The following CHLSN variants were observed in gnomAD, a reference collection of about 807,000 sequenced individuals.
CHLSN encodes protein cholesin.
At chr7:1,009,817 G>A in the CHLSN span, 6 of 792,396 alleles carry the variant, frequency 7.6e-6, no homozygotes, top group Admixed American at 6.3e-5. Context: ...GGCAGCACAG[G>A]CCTGGCATGA....
the CHLSN span, among the ~76,000 whole-genome samples, chr7:1,053,833 AC>A: frequency 3.0e-4 from 45 of 152,304 alleles, no homozygotes; most frequent in African/African-American, 1.1e-3. Context: ...TCTCAAAAAA[AC>A]AAAAACAAAA....
At chr7:1,016,623 G>GCGCACACAGCACCA in the CHLSN span, among the ~76,000 whole-genome samples, 2 of 94,736 alleles carry the variant, frequency 2.1e-5, 1 homozygote, top group Non-Finnish European at 4.2e-5. Context: ...GCACGCCAGA[G>GCGCACACAGCACCA]CACAGTAGCG....
the CHLSN span, among the ~76,000 whole-genome samples, chr7:1,000,750 G>A: frequency 2.0e-5 from 3 of 152,274 alleles, no homozygotes; most frequent in Admixed American, 1.3e-4. Flanking sequence ...CCCTGCTGCC[G>A]CCTGACCAGG....
the CHLSN span, among the ~76,000 whole-genome samples, chr7:1,051,145 G>C: frequency 2.6e-5 from 4 of 152,238 alleles, no homozygotes; most frequent in Non-Finnish European, 5.9e-5. Context: ...TACAAGCAGC[G>C]TGTGGGCAGA....
chr7:1,088,442 CT>C, the CHLSN span: 1 of 151,864 alleles, frequency 6.6e-6, no homozygotes, highest in Non-Finnish European at 1.5e-5. The surrounding 1 kb of genome is among the most constrained non-coding windows in gnomAD (Gnocchi z 4.5). Context: ...ACCTCACCCC[CT>C]GGTGAGAGCA....
At chr7:986,576 A>G in the CHLSN span, 2 of 1,601,398 alleles carry the variant, frequency 1.2e-6, no homozygotes, top group Admixed American at 3.4e-5. Flanking sequence ...CCCAGCGTGC[A>G]GCCCTGGGGC....
At chr7:1,061,414 A>T in the CHLSN span, among the ~76,000 whole-genome samples, 1 of 151,642 alleles carries the variant, frequency 6.6e-6, no homozygotes, top group Non-Finnish European at 1.5e-5. Context: ...CCCCCTACCC[A>T]GCGAGTCCCC....
chr7:1,041,862 T>C, the CHLSN span, among the ~76,000 whole-genome samples: 2 of 149,160 alleles, frequency 1.3e-5, no homozygotes, highest in Admixed American at 1.3e-4. Context: ...CTCCAGCTCC[T>C]GACCAGCAGC....
the CHLSN span, chr7:1,127,139 G>C: frequency 1.4e-5 from 17 of 1,245,664 alleles, no homozygotes; most frequent in Non-Finnish European, 1.8e-5. Flanking sequence ...CCACGCCTCC[G>C]CACCTGTTCC....
the CHLSN span, among the ~76,000 whole-genome samples, chr7:1,133,975 T>A: frequency 6.6e-6 from 1 of 152,186 alleles, no homozygotes; most frequent in Middle Eastern, 3.4e-3. Context: ...TAGCTAACTC[T>A]TGTATTTTTT....
the CHLSN span, chr7:1,093,949 C>T: frequency 4.6e-5 from 15 of 324,536 alleles, 1 homozygote; most frequent in South Asian, 2.8e-4. Context: ...ACAAGGCCAG[C>T]CTCTGAGTCC....
the CHLSN span, among the ~76,000 whole-genome samples, chr7:982,204 A>C: frequency 3.9e-5 from 6 of 152,170 alleles, no homozygotes; most frequent in Admixed American, 3.9e-4. Context: ...AGAGGTAGTG[A>C]GCTCCCCACC....
At chr7:1,109,182 GCCTCTT>G in the CHLSN span, 14 of 152,132 alleles carry the variant, frequency 9.2e-5, no homozygotes, top group African/African-American at 3.4e-4. Context: ...ACCACGCCCA[GCCTCTT>G]CCAGTATTTT....
At chr7:985,164 A>G in the CHLSN span, 3 of 1,586,116 alleles carry the variant, frequency 1.9e-6, no homozygotes, top group Non-Finnish European at 2.6e-6. Context: ...TCTCCCTCGC[A>G]GGCCGGCCCT....
the CHLSN span, among the ~76,000 whole-genome samples, chr7:1,017,746 C>T: frequency 3.9e-5 from 6 of 152,130 alleles, no homozygotes; most frequent in African/African-American, 7.2e-5. Context: ...GGGGCAGCCG[C>T]GGACGGCGGG....
At chr7:1,089,768 C>T in the CHLSN span, among the ~76,000 whole-genome samples, 1 of 133,606 alleles carries the variant, frequency 7.5e-6, no homozygotes, top group African/African-American at 2.9e-5. Flanking sequence ...AATCTCTAGT[C>T]TGGTTTTGCA....
At chr7:1,123,018 G>A in the CHLSN span, among the ~76,000 whole-genome samples, 1 of 152,104 alleles carries the variant, frequency 6.6e-6, no homozygotes, top group Admixed American at 6.5e-5. The surrounding 1 kb of genome is among the most constrained non-coding windows in gnomAD (Gnocchi z 4.4). Flanking sequence ...CACCTCCCCA[G>A]CACTCCAGGC....
At chr7:989,126 T>G in the CHLSN span, 1 of 378,614 alleles carries the variant, frequency 2.6e-6, no homozygotes, top group Non-Finnish European at 4.7e-6. Flanking sequence ...CCCACCTAGC[T>G]CCCCCCAGGG....
chr7:1,062,296 T>C, the CHLSN span, among the ~76,000 whole-genome samples: 1 of 152,198 alleles, frequency 6.6e-6, no homozygotes, highest in Non-Finnish European at 1.5e-5. Flanking sequence ...ACACGTCTTC[T>C]TTCATACACA....
Sources: allele counts gnomAD v4.1 joint callset (sites outside exome capture counted in the v4.1 genomes callset), GRCh38; gene constraint gnomAD v4.1.1; non-coding constraint Gnocchi (gnomAD v3.1); transcripts MANE v1.5; gene names NCBI Gene and HGNC (gene_info 2026-07-23, HGNC 2026-07-21).